The following PHF3 variants were observed in gnomAD, a reference collection of about 807,000 sequenced individuals.
PHF3 encodes the protein PHD finger protein 3.
In PHF3, 41 loss-of-function variants were observed where a neutral mutation model predicts 178.4. The observed-to-expected ratio is 0.23, with a 90% CI of 0.18 to 0.30. The LOEUF is 0.30. PHF3 is among the 10% of genes least tolerant of loss of function. PHF3 has a pLI of 1.00. For missense variants in PHF3, 2,346 were observed against 2,398.1 expected (o/e 0.98, Z 0.45); for synonymous variants, 842 against 800.5 (o/e 1.05, Z -0.88).
In PHF3 at chr6:63,720,947, G is replaced by C. The variant is rs1417507821; in HGVS notation, c.*7239G>C. ...CATTGTTATAGCTCATAGGCACAGA[G>C]ATTCTTTCTCCCAAGTTAACTGCTA... On this transcript the variant is annotated 3_prime_UTR_variant, in exon 16 of 16. Transcript: ENST00000262043. The C allele has an allele frequency of 1.3e-6, 2 of 1,551,294 alleles. No individual in the cohort carries two copies. Among genetic ancestry groups the C allele is most frequent in the Admixed American group, 2.0e-5 (1 of 50,972 alleles).
chr6:63,669,231 A>G (rs1765806823), intron 2 of PHF3, among the ~76,000 whole-genome samples: 1 of 152,204 alleles, frequency 6.6e-6, no homozygotes, highest in African/African-American at 2.4e-5. Context: ...AACTATATTG[A>G]TAATTCTTCC....
intron 4 of PHF3, 33 bp from the exon 5 acceptor site, chr6:63,691,700 AAAAG>A (rs773558839): frequency 1.3e-6 from 2 of 1,493,668 alleles, no homozygotes; most frequent in Non-Finnish European, 1.8e-6. Context: ...TCTTGTTAAA[AAAAG>A]GGATAAAAGT....
At position 63,665,708 on chromosome 6, in the gene PHF3, C is replaced by T. The variant is rs184150032; in HGVS notation, c.245-14292C>T. On this transcript the variant is annotated intron_variant, in intron 2 of 15. Coordinates refer to ENST00000262043, the MANE Select transcript of PHF3 (RefSeq NM_001370348.2). ...TTCATCATGTTGGCCAGGCTAGTTT[C>T]GAACTCCTAACCTCAAGTGATCCAC... Among the ~76,000 whole-genome samples the T allele has an allele frequency of 6.2e-4, 94 of 152,068 alleles. No individual in the cohort carries two copies. The East Asian group carries it at 0.016, about 26-fold the overall frequency.
rs766812383 is a variant in PHF3, at chr6:63,684,474, A to C, written c.752A>C (p.His251Pro). The C allele has an allele frequency of 1.0e-4, 165 of 1,612,980 alleles. No homozygotes were observed. Among genetic ancestry groups the C allele is most frequent in the Non-Finnish European group, 1.3e-4 (157 of 1,179,116 alleles). Residue 251 changes from histidine (H) to proline (P), a missense_variant, in exon 4 of 16, where the codon CAT becomes CCT. His to Pro is a moderately conservative substitution (Grantham distance 77). Transcript: ENST00000262043. Reference protein sequence around the residue: ...NNPGEIDVPSHELNCSLLSET... With the variant: ...NNPGEIDVPSPELNCSLLSET... Reference sequence around the variant, plus strand: ...CCGGGAGAAATAGATGTGCCATCTCATGAATTAAATTGTTCACTTCTTTCA... The same window carrying C: ...CCGGGAGAAATAGATGTGCCATCTCCTGAATTAAATTGTTCACTTCTTTCA...
At position 63,713,204 on chromosome 6, in the gene PHF3, C is replaced by T. The variant is rs1028540595; in HGVS notation, c.5616C>T (p.Leu1872=). The T allele has an allele frequency of 6.8e-6, 11 of 1,613,926 alleles. No individual in the cohort carries two copies. The highest frequency in any genetic ancestry group is 2.7e-5 in the African/African-American group (2 of 74,884). The change falls in exon 16 of 16, where the codon CTC becomes CTT. Residue 1872 remains leucine (L), a synonymous_variant. Coordinates refer to ENST00000262043, the MANE Select transcript of PHF3 (RefSeq NM_001370348.2). The part of the protein sequence containing the change: ...PGQPQRMMGP[L]SQASRYIGPQ... ...AGCCACAGCGTATGATGGGTCCTCT[C>T]TCACAAGCATCAAGGTATATAGGCC... is the stretch of plus-strand genomic sequence containing the variant.
intron 1 of PHF3, among the ~76,000 whole-genome samples, chr6:63,645,230 C>T (rs1764734639): frequency 6.6e-6 from 1 of 152,068 alleles, no homozygotes; most frequent in African/African-American, 2.4e-5. Flanking sequence ...CAGCCCTTAG[C>T]TCAGTGTGAA....
chr6:63,657,873 A>G (rs963537868), intron 2 of PHF3, among the ~76,000 whole-genome samples: 3 of 152,344 alleles, frequency 2.0e-5, no homozygotes, highest in African/African-American at 7.2e-5. Flanking sequence ...AGTGAATAGG[A>G]AATCTAGTCA....
chr6:63,721,813 CAG>C lies in PHF3; in HGVS notation c.*8106_*8107del. 2 of 1,530,298 alleles carry C rather than the reference CAG, an allele frequency of 1.3e-6. No homozygotes were observed. The highest frequency in any genetic ancestry group is 1.8e-6 in the Non-Finnish European group (2 of 1,137,452). The allele number at this position is 1,530,298 out of a possible 1,614,324, so 94.8% of individuals were successfully genotyped here. A position where few individuals can be genotyped will look rare whatever the true frequency, so the allele number is the denominator to read the frequency against. On this transcript the variant is annotated 3_prime_UTR_variant, in exon 16 of 16. Coordinates refer to ENST00000262043, the MANE Select transcript of PHF3 (RefSeq NM_001370348.2). The stretch of plus-strand genomic sequence containing the variant: ...AAAAAATCACCTGCAAGAAAGCAAA[CAG>C]TAAGTTTGATTAGCAACAGTAAAAG...
chr6:63,652,512 T>C (rs1765060845), intron 2 of PHF3, among the ~76,000 whole-genome samples: 1 of 152,206 alleles, frequency 6.6e-6, no homozygotes, highest in South Asian at 2.1e-4. Flanking sequence ...GTTTATTGTT[T>C]CCTTTGCTGT....
chr6:63,675,721 A>G (rs1416072239), intron 2 of PHF3, among the ~76,000 whole-genome samples: 4 of 152,200 alleles, frequency 2.6e-5, no homozygotes, highest in Non-Finnish European at 4.4e-5. Flanking sequence ...AGGTTGTTCA[A>G]TGATAGAACC....
Position 63,713,861 on chromosome 6 carries a change from G to A in PHF3, c.*153G>A, listed in dbSNP as rs1768086911. 1.6e-6 allele frequency: 1 copy of A among 624,630 alleles called. No homozygotes were observed. Among genetic ancestry groups the A allele is most frequent in the Non-Finnish European group, 2.7e-6 (1 of 365,268 alleles). 38.7% of individuals were successfully genotyped at this position (624,630 alleles called of 1,614,324 possible). A position where few individuals can be genotyped will look rare whatever the true frequency, so the allele number is the denominator to read the frequency against. Reference sequence around the variant, plus strand: ...AGTAAATTCTGTGTGTTGGTACAGAGTGCTCTGTACCAGTGCTCATCATCC... The same window carrying A: ...AGTAAATTCTGTGTGTTGGTACAGAATGCTCTGTACCAGTGCTCATCATCC... On this transcript the variant is annotated 3_prime_UTR_variant, in exon 16 of 16. Coordinates refer to ENST00000262043, the MANE Select transcript of PHF3 (RefSeq NM_001370348.2).
intron 1 of PHF3, among the ~76,000 whole-genome samples, chr6:63,637,615 T>C (rs1764398688): frequency 7.2e-6 from 1 of 139,262 alleles, no homozygotes; most frequent in South Asian, 2.5e-4. Context: ...ACTGGCTATA[T>C]ATTACCATAA....
chr6:63,656,478 T>C (rs1475848437), intron 2 of PHF3, among the ~76,000 whole-genome samples: 1 of 152,164 alleles, frequency 6.6e-6, no homozygotes, highest in African/African-American at 2.4e-5. Flanking sequence ...TGTGTTTGTA[T>C]GTGTGTTTGT....
intron 2 of PHF3, among the ~76,000 whole-genome samples, chr6:63,678,618 G>T: frequency 6.7e-6 from 1 of 150,352 alleles, no homozygotes; most frequent in African/African-American, 2.5e-5. Context: ...ACATATGCAT[G>T]CATTTTATTT....
chr6:63,696,918 C>G (rs1378866470), intron 6 of PHF3, among the ~76,000 whole-genome samples: 2 of 151,830 alleles, frequency 1.3e-5, no homozygotes, highest in Non-Finnish European at 2.9e-5. Context: ...GAACTGGAGA[C>G]GTTGATTACA....
intron 2 of PHF3, among the ~76,000 whole-genome samples, chr6:63,666,148 A>G (rs1490156143): frequency 6.6e-6 from 1 of 152,206 alleles, no homozygotes; most frequent in Non-Finnish European, 1.5e-5. Flanking sequence ...AAAAGCTGCT[A>G]TAAGGATGTC....
At position 63,684,583 on chromosome 6, in the gene PHF3, G is replaced by A. The variant is rs770030568; in HGVS notation, c.861G>A (p.Lys287=). The stretch of plus-strand genomic sequence containing the variant: ...AGCCTGTTGGTAGTCCATTGTTTAA[G>A]TTTTCAGATAAAGAAGAACATGAAC... ...KAKPVGSPLF[K]FSDKEEHEQN... is the part of the protein sequence containing the mutation. Residue 287 remains lysine, a synonymous_variant, in exon 4 of 16, where the codon AAG becomes AAA. Transcript: ENST00000262043. 6.8e-6 allele frequency: 11 copies of A among 1,613,958 alleles called. No individual in the cohort carries two copies. The South Asian group carries it at 1.2e-4, about 18-fold the overall frequency.
chr6:63,708,068 T>C (rs1463922788), intron 13 of PHF3, among the ~76,000 whole-genome samples: 1 of 152,058 alleles, frequency 6.6e-6, no homozygotes, highest in Non-Finnish European at 1.5e-5. Flanking sequence ...GGCTTCACCA[T>C]GTTAGCCAGG....
intron 1 of PHF3, among the ~76,000 whole-genome samples, chr6:63,641,521 G>GGTGTGT (rs1237880994): frequency 6.2e-5 from 8 of 128,402 alleles, no homozygotes; most frequent in African/African-American, 1.6e-4. Context: ...TTTATTGTTA[G>GGTGTGT]GTGTGTATGT....
Sources: allele counts gnomAD v4.1 joint callset (sites outside exome capture counted in the v4.1 genomes callset), GRCh38; gene constraint gnomAD v4.1.1; transcripts MANE v1.5; gene names NCBI Gene and HGNC (gene_info 2026-07-23, HGNC 2026-07-21).